R3HCC1L: variants seen among roughly 807,000 people sequenced by gnomAD.
R3HCC1L encodes R3H domain and coiled-coil containing 1 like.
A neutral mutation model predicts 59.9 loss-of-function variants in R3HCC1L; 51 were observed. The observed-to-expected ratio is 0.85, with a 90% CI of 0.68 to 1.07. R3HCC1L has a LOEUF of 1.07. R3HCC1L is among the 50% of genes least tolerant of loss of function. The pLI is 0.00. For missense variants in R3HCC1L, 965 were observed against 933.0 expected, an observed-to-expected ratio of 1.03 and a Z score of -0.45; for synonymous variants, 322 against 315.2, an observed-to-expected ratio of 1.02 and a Z score of -0.23.
intron 4 of R3HCC1L, among the ~76,000 whole-genome samples, chr10:98,176,235 A>G (rs1287315450): frequency 2.6e-5 from 4 of 152,076 alleles, no homozygotes; most frequent in Non-Finnish European, 4.4e-5. Flanking sequence ...TCCCTTTTCA[A>G]AGTTACTTTG....
intron 2 of R3HCC1L, among the ~76,000 whole-genome samples, chr10:98,158,772 T>G (rs540519785): frequency 1.3e-5 from 2 of 152,104 alleles, no homozygotes; most frequent in Non-Finnish European, 2.9e-5. Flanking sequence ...CTAGTTTCCT[T>G]TAATCTGGTG....
intron 5 of R3HCC1L, among the ~76,000 whole-genome samples, chr10:98,227,306 AAAT>A (rs1189726296): frequency 4.6e-5 from 7 of 152,182 alleles, no homozygotes; most frequent in African/African-American, 1.7e-4. Flanking sequence ...GCACAGGAAT[AAAT>A]AATAATTTTT....
rs1271237672 is a variant in R3HCC1L, at chr10:98,209,375, G to C, written c.1261G>C (p.Asp421His). 1 of 1,614,000 alleles carries C rather than the reference G, an allele frequency of 6.2e-7. No individual in the cohort carries two copies. Among genetic ancestry groups the C allele is most frequent in the Admixed American group, 1.7e-5 (1 of 60,014 alleles). The change falls in exon 5 of 10, where the codon GAT becomes CAT. Residue 421 changes from aspartate to histidine, a missense_variant. Asp to His is a moderately conservative substitution (Grantham distance 81). Transcript: ENST00000298999. ...SFSKFVGMSA[D>H]ATPLHVARSG... ...CTCAAAGTTTGTAGGAATGAGTGCA[G>C]ATGCAACCCCTCTTCATGTAGCTAG...
intron 4 of R3HCC1L, among the ~76,000 whole-genome samples, chr10:98,169,278 G>A (rs1848272704): frequency 1.3e-5 from 2 of 152,156 alleles, no homozygotes; most frequent in East Asian, 3.8e-4. Flanking sequence ...TGAATATCAG[G>A]CAGTCTAGTC....
intron 5 of R3HCC1L, among the ~76,000 whole-genome samples, chr10:98,210,102 G>A (rs1564703627): frequency 6.6e-6 from 1 of 152,086 alleles, no homozygotes. Flanking sequence ...TAATAGCCAA[G>A]CCCTGAGAGA....
intron 1 of R3HCC1L, among the ~76,000 whole-genome samples, chr10:98,150,612 A>G (rs533601543): frequency 6.6e-6 from 1 of 152,034 alleles, no homozygotes; most frequent in Non-Finnish European, 1.5e-5. Context: ...ACCAATCAGT[A>G]TGCTGCCCCT....
chr10:98,152,484 C>T (rs1203091862), intron 1 of R3HCC1L, among the ~76,000 whole-genome samples: 2 of 134,882 alleles, frequency 1.5e-5, no homozygotes, highest in Admixed American at 7.8e-5. Flanking sequence ...CTCTTCCCGG[C>T]CGCCATCCCG....
rs140173068 is a variant in R3HCC1L, at chr10:98,168,986, A to C, written c.-15+5589A>C. 6.3e-4 allele frequency among the ~76,000 whole-genome samples: 96 copies of C among 152,286 alleles called. 1 individual carries two copies. Among genetic ancestry groups the C allele is most frequent in the East Asian group, 1.5e-3 (8 of 5,184 alleles). The stretch of plus-strand genomic sequence containing the variant: ...GAAGAGAGGGTGTTCCTCTCCTGAC[A>C]CCTGGTGAGGTTCTTTACCATATGG... On this transcript the variant is annotated intron_variant, in intron 4 of 9. Coordinates refer to ENST00000298999, the MANE Select transcript of R3HCC1L (RefSeq NM_001351015.2).
At chr10:98,189,446 C>G (rs1268033218) in intron 4 of R3HCC1L, among the ~76,000 whole-genome samples, 1 of 152,148 alleles carries the variant, frequency 6.6e-6, no homozygotes, top group African/African-American at 2.4e-5. Flanking sequence ...TAAGGTCTAT[C>G]TATGTAAGGT....
chr10:98,139,317 G>C (rs566995292), intron 1 of R3HCC1L, among the ~76,000 whole-genome samples: 1 of 152,260 alleles, frequency 6.6e-6, no homozygotes, highest in Admixed American at 6.5e-5. Context: ...ATGATTAGCC[G>C]TCACACTATG....
At chr10:98,150,873 C>T (rs952921187) in intron 1 of R3HCC1L, among the ~76,000 whole-genome samples, 1 of 152,130 alleles carries the variant, frequency 6.6e-6, no homozygotes, top group Non-Finnish European at 1.5e-5. Flanking sequence ...CCAAAACTGC[C>T]TGTAATTTGA....
intron 1 of R3HCC1L, among the ~76,000 whole-genome samples, chr10:98,155,844 A>T (rs1846806600): frequency 6.6e-6 from 1 of 151,274 alleles, no homozygotes; most frequent in Non-Finnish European, 1.5e-5. Flanking sequence ...ATTATGGTAG[A>T]GAAAGTTTTA....
chr10:98,223,234 CAAAA>C (rs1407344755), intron 5 of R3HCC1L, among the ~76,000 whole-genome samples: 20 of 152,148 alleles, frequency 1.3e-4, no homozygotes, highest in African/African-American at 4.8e-4. Context: ...GAGACACAAC[CAAAA>C]AAGAGAATTT....
At chr10:98,153,175 G>A (rs190990017) in intron 1 of R3HCC1L, among the ~76,000 whole-genome samples, 6 of 152,358 alleles carry the variant, frequency 3.9e-5, no homozygotes, top group African/African-American at 7.2e-5. Context: ...TAGAAAAGGG[G>A]GAAAGGTGGG....
chr10:98,221,634 G>T (rs1034776699), intron 5 of R3HCC1L, among the ~76,000 whole-genome samples: 61 of 151,544 alleles, frequency 4.0e-4, no homozygotes, highest in Non-Finnish European at 7.2e-4. Context: ...ATTAAATAGG[G>T]AATCCTTTCC....
In R3HCC1L at chr10:98,156,148, G is replaced by A. The variant is rs1846849574; in HGVS notation, c.-213+1G>A. 6.6e-6 allele frequency: 1 copy of A among 151,502 alleles called. No homozygotes were observed. The highest frequency in any genetic ancestry group is 1.5e-5 in the Non-Finnish European group (1 of 67,942). The allele number at this position is 151,502 out of a possible 1,614,324, so 9.4% of individuals were successfully genotyped here. A position where few individuals can be genotyped will look rare whatever the true frequency, so the allele number is the denominator to read the frequency against. On this transcript the variant is annotated splice_donor_variant, in intron 2 of 9. Transcript: ENST00000298999. LOFTEE classifies it low-confidence loss of function (5UTR_SPLICE). ...CACCTGCTGCATTGCTGTTTTCCTG[G>A]TATGATTTCCACTTGTTGTTATCCT...
chr10:98,171,211 G>C (rs1212201059), intron 4 of R3HCC1L, among the ~76,000 whole-genome samples: 1 of 152,160 alleles, frequency 6.6e-6, no homozygotes, highest in African/African-American at 2.4e-5. Context: ...CTTAATATCT[G>C]TGTAACCACA....
At chr10:98,160,419 TTTAAGTGTA>T (rs978847017) in intron 2 of R3HCC1L, among the ~76,000 whole-genome samples, 1 of 152,222 alleles carries the variant, frequency 6.6e-6, no homozygotes, top group African/African-American at 2.4e-5. Flanking sequence ...GTTGAAATAT[TTTAAGTGTA>T]TTAGATAAAA....
rs750722213 is a variant in R3HCC1L at position 98,208,428 on chromosome 10, G to A, written c.314G>A (p.Cys105Tyr). Reference sequence around the variant, plus strand: ...TGCCTTCAAAAAACAAATAGAGTTTGTTCTAAGAGAGGAACCACTGAATCC... The same window carrying A: ...TGCCTTCAAAAAACAAATAGAGTTTATTCTAAGAGAGGAACCACTGAATCC... ...DTCLQKTNRV[C>Y]SKRGTTESKE... Residue 105 changes from cysteine to tyrosine, a missense_variant, in exon 5 of 10, where the codon TGT becomes TAT. Transcript: ENST00000298999. The A allele has an allele frequency of 3.1e-6, 5 of 1,614,090 alleles. No individual in the cohort carries two copies. The South Asian group carries it at 5.5e-5, about 18-fold the overall frequency.
Sources: gnomAD v4.1 joint callset for allele counts (sites outside exome capture counted in the v4.1 genomes callset) on GRCh38, gnomAD v4.1.1 for gene constraint, MANE v1.5 for transcripts, NCBI Gene and HGNC (gene_info 2026-07-23, HGNC 2026-07-21) for gene names.